Variants in FAM168A observed in about 807,000 individuals in gnomAD.
FAM168A encodes protein FAM168A.
A neutral mutation model predicts 28.5 loss-of-function variants in FAM168A; 3 were observed. The ratio of observed to expected loss-of-function variants is 0.11; its 90% CI spans 0.05 to 0.27. The LOEUF (loss-of-function observed/expected upper bound fraction) is 0.27. Among genes scored for constraint, FAM168A ranks in the 10% least tolerant of loss-of-function variants. The pLI is 1.00. For missense variants in FAM168A, 222 were observed against 311.5 expected, an observed-to-expected ratio of 0.71 and a Z score of 2.16; for synonymous variants, 122 against 124.2, an observed-to-expected ratio of 0.98 and a Z score of 0.12.
chr11:73,528,278 G>A (rs1278107640), intron 1 of FAM168A, among the ~76,000 whole-genome samples: 1 of 152,138 alleles, frequency 6.6e-6, no homozygotes, highest in African/African-American at 2.4e-5. Context: ...TTCTCAGAAA[G>A]TCAGGCATTC....
At chr11:73,571,294 G>A (rs866139254) in intron 1 of FAM168A, among the ~76,000 whole-genome samples, 20 of 131,034 alleles carry the variant, frequency 1.5e-4, no homozygotes, top group African/African-American at 2.3e-4. Flanking sequence ...CTCTGATGCC[G>A]AGCCGAAGCT....
At position 73,441,703 on chromosome 11, in the gene FAM168A, T is replaced by A. The variant is rs180827012; in HGVS notation, c.71-10933A>T. On this transcript the variant is annotated intron_variant, in intron 2 of 7. Coordinates refer to ENST00000356467, the MANE Select transcript of FAM168A (RefSeq NM_015159.3). The stretch of plus-strand genomic sequence containing the variant: ...TACTAATTCTCTCTTATAGGTCTAG[T>A]CAGATTTTCTATTTCTTCACGAGTC... 1.8e-3 allele frequency among the ~76,000 whole-genome samples: 279 copies of A among 152,350 alleles called. 1 individual carries two copies. Among genetic ancestry groups the A allele is most frequent in the African/African-American group, 6.2e-3 (258 of 41,594 alleles).
chr11:73,462,914 G>GGAGAA (rs199533176), intron 2 of FAM168A, among the ~76,000 whole-genome samples: 11,118 of 150,208 alleles, frequency 0.074, 531 homozygotes, highest in Admixed American at 0.11. Flanking sequence ...AGAGAGGAGA[G>GGAGAA]GAGAAGAGAA....
chr11:73,536,805 T>G (rs1385188896), intron 1 of FAM168A, among the ~76,000 whole-genome samples: 8 of 152,228 alleles, frequency 5.3e-5, no homozygotes, highest in Non-Finnish European at 1.0e-4. Flanking sequence ...TGCAAGATGC[T>G]GCACCGTATC....
In FAM168A at chr11:73,409,343, T is replaced by G. The variant is rs560465433; in HGVS notation, c.595+144A>C. 3.1e-5 allele frequency: 31 copies of G among 1,008,110 alleles called. No individual in the cohort carries two copies. In the South Asian group the frequency reaches 4.6e-4, roughly 15 times the overall value. The allele number at this position is 1,008,110 out of a possible 1,614,324, so 62.4% of individuals were successfully genotyped here. A position where few individuals can be genotyped will look rare whatever the true frequency, so the allele number is the denominator to read the frequency against. ...TCTTCCTCATCCCCATAGACAGATT[T>G]AGAGGCTCCTTCCTCTGGGTTCCCA... On this transcript the variant is annotated intron_variant, in intron 6 of 7. Transcript: ENST00000356467.
chr11:73,470,251 T>C (rs1331266953), intron 1 of FAM168A, among the ~76,000 whole-genome samples: 3 of 152,158 alleles, frequency 2.0e-5, no homozygotes, highest in East Asian at 3.8e-4. Flanking sequence ...TCAAGTGACA[T>C]GCAAATGTAA....
At chr11:73,426,200 A>C (rs1277389300) in intron 3 of FAM168A, among the ~76,000 whole-genome samples, 2 of 152,198 alleles carry the variant, frequency 1.3e-5, no homozygotes, top group Admixed American at 1.3e-4. Flanking sequence ...TTTATTTTCA[A>C]GCCAGATTAC....
At chr11:73,533,175 G>A (rs186471246) in intron 1 of FAM168A, among the ~76,000 whole-genome samples, 451 of 152,212 alleles carry the variant, frequency 3.0e-3, no homozygotes, top group Non-Finnish European at 5.4e-3. Flanking sequence ...CTATAAAATG[G>A]GGATAATCCC....
intron 1 of FAM168A, among the ~76,000 whole-genome samples, chr11:73,547,565 G>T (rs1943774734): frequency 6.6e-6 from 1 of 152,160 alleles, no homozygotes; most frequent in African/African-American, 2.4e-5. Flanking sequence ...GGGATGCAGA[G>T]GCAGGAGGGT....
chr11:73,580,657 C>T (rs1944231671), intron 1 of FAM168A: 1 of 381,960 alleles, frequency 2.6e-6, no homozygotes. Context: ...AGAACATGTC[C>T]TTGTTGTTTT....
chr11:73,509,498 C>A (rs1435097831), intron 1 of FAM168A, among the ~76,000 whole-genome samples: 1 of 152,100 alleles, frequency 6.6e-6, no homozygotes, highest in East Asian at 1.9e-4. Context: ...ACCTTTGAAG[C>A]TGCTCAAGAA....
intron 1 of FAM168A, among the ~76,000 whole-genome samples, chr11:73,555,639 C>T (rs1943881207): frequency 6.6e-6 from 1 of 150,850 alleles, no homozygotes; most frequent in African/African-American, 2.4e-5. Flanking sequence ...ACCCGGGAGG[C>T]AGCGGTTGCA....
At chr11:73,408,307 G>C (rs988647318) in intron 6 of FAM168A, among the ~76,000 whole-genome samples, 3 of 152,154 alleles carry the variant, frequency 2.0e-5, no homozygotes, top group African/African-American at 7.2e-5. Flanking sequence ...TATTGATATT[G>C]GGTTCCCAGG....
chr11:73,529,552 T>A (rs983774906), intron 1 of FAM168A, among the ~76,000 whole-genome samples: 2 of 152,208 alleles, frequency 1.3e-5, no homozygotes, highest in African/African-American at 4.8e-5. Flanking sequence ...TATATTAATA[T>A]CAACAATAGA....
At chr11:73,532,340 G>A (rs985853067) in intron 1 of FAM168A, among the ~76,000 whole-genome samples, 2 of 151,988 alleles carry the variant, frequency 1.3e-5, no homozygotes, top group Middle Eastern at 3.4e-3. Flanking sequence ...CTAGTACACC[G>A]CAGGAGTAAT....
intron 5 of FAM168A, among the ~76,000 whole-genome samples, chr11:73,411,067 T>C (rs1374738535): frequency 6.6e-6 from 1 of 152,232 alleles, no homozygotes. Flanking sequence ...TGGTGTAACC[T>C]TGGACAAGTC....
At chr11:73,430,806 C>CAA (rs552699471) in intron 2 of FAM168A, 36 bp from the exon 3 acceptor site, 6 of 1,430,118 alleles carry the variant, frequency 4.2e-6, no homozygotes, top group East Asian at 2.4e-5. Flanking sequence ...TTTAGTTAGG[C>CAA]AAAAAAAACA....
intron 1 of FAM168A, among the ~76,000 whole-genome samples, chr11:73,518,780 C>T (rs1806794965): frequency 6.6e-6 from 1 of 152,056 alleles, no homozygotes; most frequent in African/African-American, 2.4e-5. Flanking sequence ...ACCTGTAGTC[C>T]CAGATACTCA....
intron 1 of FAM168A, among the ~76,000 whole-genome samples, chr11:73,481,434 T>C (rs1867966508): frequency 6.6e-6 from 1 of 152,154 alleles, no homozygotes; most frequent in Non-Finnish European, 1.5e-5. Context: ...TGGCTTTAAA[T>C]TATCACATAT....
Sources: gnomAD v4.1 joint callset for allele counts (sites outside exome capture counted in the v4.1 genomes callset) on GRCh38, gnomAD v4.1.1 for gene constraint, MANE v1.5 for transcripts, NCBI Gene and HGNC (gene_info 2026-07-23, HGNC 2026-07-21) for gene names.